DCDC1: variants seen among roughly 807,000 people sequenced by gnomAD.
DCDC1 encodes the protein doublecortin domain-containing protein 1.
In DCDC1, 200 loss-of-function variants were observed where a neutral mutation model predicts 178.3. The observed-to-expected ratio is 1.12, with a 90% confidence interval of 1.00 to 1.26. The LOEUF is 1.26. Among genes scored for constraint, DCDC1 ranks in the 50% most tolerant of loss-of-function variants. The pLI is 0.00. For synonymous variants in DCDC1, 690 were observed against 604.8 expected, an observed-to-expected ratio of 1.14 and a Z score of -2.07; for missense variants, 1,983 against 1,749.2, an observed-to-expected ratio of 1.13 and a Z score of -2.38.
At chr11:31,044,545 G>A (rs1258465341) in intron 20 of DCDC1, among the ~76,000 whole-genome samples, 1 of 151,774 alleles carries the variant, frequency 6.6e-6, no homozygotes, top group Non-Finnish European at 1.5e-5. Context: ...AAGATGGAAG[G>A]GGCTGTGTGC....
intron 20 of DCDC1, among the ~76,000 whole-genome samples, chr11:31,060,462 G>A (rs1325498006): frequency 1.3e-5 from 2 of 152,134 alleles, no homozygotes; most frequent in South Asian, 2.1e-4. Context: ...ATATCTCCTA[G>A]TGATTACAAT....
intron 25 of DCDC1, among the ~76,000 whole-genome samples, chr11:30,920,107 T>C (rs1451876425): frequency 6.6e-6 from 1 of 152,132 alleles, no homozygotes; most frequent in Non-Finnish European, 1.5e-5. Flanking sequence ...ATAAACAGAA[T>C]GTGCAATATG....
chr11:30,909,925 T>G (rs866246043), intron 28 of DCDC1, among the ~76,000 whole-genome samples: 3 of 152,162 alleles, frequency 2.0e-5, no homozygotes, highest in Non-Finnish European at 2.9e-5. Flanking sequence ...TCATAACACC[T>G]CAAGGAACTT....
chr11:30,906,554 T>G lies in DCDC1; in HGVS notation c.4090A>C (p.Ile1364Leu). The G allele has an allele frequency of 6.2e-7, 1 of 1,612,936 alleles. No homozygotes were observed. The highest frequency in any genetic ancestry group is 1.3e-5 in the African/African-American group (1 of 75,018). The change falls in exon 30 of 39, where the codon ATC becomes CTC. Residue 1364 changes from isoleucine to leucine, a missense_variant. Physicochemically the swap from Ile to Leu is conservative, Grantham distance 5 (BLOSUM62 2). Coordinates refer to ENST00000684477, the MANE Select transcript of DCDC1 (RefSeq NM_001387274.1). ...KPFLQGPFKV[I>L]SVAEVDLSCD... ...TCATTACATACCTCAGCCACACTGATGACCTTGAAGGGCCCTTGTAAGAAG... is the reference window on the plus strand; with the variant it reads ...TCATTACATACCTCAGCCACACTGAGGACCTTGAAGGGCCCTTGTAAGAAG...
intron 38 of DCDC1, among the ~76,000 whole-genome samples, chr11:30,875,809 C>T (rs1482341972): frequency 2.0e-5 from 3 of 152,086 alleles, no homozygotes; most frequent in Non-Finnish European, 2.9e-5. Context: ...AGGGTTATTG[C>T]CCTTCAAAGC....
At chr11:31,257,018 T>G (rs1268001530) in intron 8 of DCDC1, among the ~76,000 whole-genome samples, 1 of 152,184 alleles carries the variant, frequency 6.6e-6, no homozygotes, top group Non-Finnish European at 1.5e-5. Flanking sequence ...AGTCTCAGAT[T>G]GGGATTACAT....
rs777970181 is a variant in DCDC1, at chr11:31,106,930, C to A, written c.1618G>T (p.Gly540Cys). ...AGGCCTGGTGGGTTGATGGAAGAAC[C>A]TTGAAGCCTTTGATGAATCTTGAGA... The part of the protein sequence containing the change: ...LLLKIHQRLQ[G>C]SSINPPGLNY... Residue 540 changes from glycine to cysteine, a missense_variant, in exon 13 of 39, where the codon GGT (glycine) becomes TGT (cysteine). By Grantham distance (159) the Gly-to-Cys change is radical (BLOSUM62 -3). Transcript: ENST00000684477. The A allele has an allele frequency of 1.3e-6, 1 of 765,852 alleles. No homozygotes were observed. The highest frequency in any genetic ancestry group is 1.3e-5 in the South Asian group (1 of 74,590). 47.4% of individuals were successfully genotyped at this position (765,852 alleles called of 1,614,324 possible).
chr11:31,213,101 CT>C (rs1565441728), intron 9 of DCDC1, among the ~76,000 whole-genome samples: 5 of 10,764 alleles, frequency 4.6e-4, no homozygotes, highest in African/African-American at 1.2e-3. Context: ...AAAGCCCAGC[CT>C]CTCTCTCTCT....
chr11:31,240,623 C>T (rs191886332), intron 9 of DCDC1, among the ~76,000 whole-genome samples: 53 of 152,006 alleles, frequency 3.5e-4, no homozygotes, highest in Non-Finnish European at 6.0e-4. Flanking sequence ...TCTGTGGTCT[C>T]GGATAATGAG....
chr11:31,350,470 GCCCAGTGT>G lies in DCDC1; in HGVS notation c.-124-14914_-124-14907del, dbSNP rs1384228759. 2.6e-5 allele frequency among the ~76,000 whole-genome samples: 4 copies of G among 151,912 alleles called. No homozygotes were observed. In the East Asian group the frequency reaches 7.7e-4, roughly 29 times the overall value. On this transcript the variant is annotated intron_variant, in intron 1 of 38. Transcript: ENST00000684477. The stretch of plus-strand genomic sequence containing the variant: ...TAACTAAGTTCAAAATATCTAATTA[GCCCAGTGT>G]CCCCTTTCTCATATACTTATGAGAA...
chr11:31,280,200 G>A (rs143984666), intron 7 of DCDC1, among the ~76,000 whole-genome samples: 2,880 of 152,202 alleles, frequency 0.019, 94 homozygotes, highest in African/African-American at 0.066. Flanking sequence ...TAAAGTAGAC[G>A]TTGCTACCTT....
chr11:30,964,896 C>T (rs1057311966), intron 20 of DCDC1, among the ~76,000 whole-genome samples: 1 of 152,098 alleles, frequency 6.6e-6, no homozygotes, highest in African/African-American at 2.4e-5. Flanking sequence ...ATCAACAGGA[C>T]AGCATGTCAT....
chr11:30,973,895 A>G (rs1949954886), intron 20 of DCDC1, among the ~76,000 whole-genome samples: 1 of 145,372 alleles, frequency 6.9e-6, no homozygotes, highest in Non-Finnish European at 1.5e-5. Context: ...TGGACTAAAC[A>G]CTTTTACAGG....
intron 8 of DCDC1, among the ~76,000 whole-genome samples, chr11:31,248,974 T>C (rs1333944191): frequency 6.6e-6 from 1 of 152,140 alleles, no homozygotes; most frequent in African/African-American, 2.4e-5. Flanking sequence ...TATTACAATA[T>C]ATTTCATAAT....
At chr11:31,367,612 C>T (rs1952027906) in intron 1 of DCDC1, among the ~76,000 whole-genome samples, 1 of 152,186 alleles carries the variant, frequency 6.6e-6, no homozygotes, top group African/African-American at 2.4e-5. Flanking sequence ...CCACTAGTCA[C>T]ATGTGGCTAC....
chr11:30,880,362 T>C (rs1942549370), intron 37 of DCDC1, among the ~76,000 whole-genome samples: 1 of 152,228 alleles, frequency 6.6e-6, no homozygotes, highest in Admixed American at 6.5e-5. Flanking sequence ...TCTCCATTTC[T>C]ATCCTTTTGT....
At chr11:31,357,016 G>A (rs926266758) in intron 1 of DCDC1, among the ~76,000 whole-genome samples, 11 of 150,910 alleles carry the variant, frequency 7.3e-5, no homozygotes, top group African/African-American at 2.4e-4. Context: ...GTACAAGGAG[G>A]AACTGGTACC....
chr11:31,054,244 G>GAA (rs58611104), intron 20 of DCDC1, among the ~76,000 whole-genome samples: 3 of 119,072 alleles, frequency 2.5e-5, no homozygotes, highest in African/African-American at 6.2e-5. Flanking sequence ...AAGGAAAAAA[G>GAA]AAAAAAAAAA....
intron 9 of DCDC1, among the ~76,000 whole-genome samples, chr11:31,219,796 T>C (rs866095262): frequency 1.3e-5 from 2 of 152,180 alleles, no homozygotes; most frequent in African/African-American, 4.8e-5. Flanking sequence ...ATATAAATTT[T>C]ACCATTTTTA....
Sources: gnomAD v4.1 joint callset for allele counts (sites outside exome capture counted in the v4.1 genomes callset) on GRCh38, gnomAD v4.1.1 for gene constraint, MANE v1.5 for transcripts, NCBI Gene and HGNC (gene_info 2026-07-23, HGNC 2026-07-21) for gene names.